TLR5: variants seen among roughly 807,000 people sequenced by gnomAD.
TLR5 encodes toll like receptor 5, also known as toll-like receptor 5.
For synonymous variants in TLR5, 373 were observed against 384.4 expected, an observed-to-expected ratio of 0.97 and a Z score of 0.35; for missense variants, 944 against 999.8, an observed-to-expected ratio of 0.94 and a Z score of 0.75.
Position 223,111,001 on chromosome 1 carries a change from C to A in TLR5, c.2031G>T (p.Leu677=), listed in dbSNP as rs770385259. ...TGCCCTGGGGATGGTCCTTGAACAC[C>A]AGTCTCTGGGCTGTCTTATAACAGA... is the stretch of plus-strand genomic sequence containing the variant. ...CFICYKTAQR[L]VFKDHPQGTE... The change falls in exon 6 of 6, where the codon CTG becomes CTT. Residue 677 remains leucine, a synonymous_variant. Transcript: ENST00000642603. The A allele has an allele frequency of 6.2e-7, 1 of 1,614,216 alleles. No homozygotes were observed. The highest frequency in any genetic ancestry group is 2.2e-5 in the East Asian group (1 of 44,880).
intron 5 of TLR5, among the ~76,000 whole-genome samples, chr1:223,119,132 GAGAA>G (rs1322921762): frequency 6.6e-6 from 1 of 151,626 alleles, no homozygotes; most frequent in African/African-American, 2.4e-5. Flanking sequence ...TGAAAAAGAA[GAGAA>G]AGAAAGTCCA....
rs776169434 is a variant in TLR5, at chr1:223,111,761, G to C, written c.1271C>G (p.Thr424Arg). ...KLVTLPKINL[T>R]ANLIHLSENR... ...TTCTGATAAGTGGATGAGGTTCGCT[G>C]TAAGGTTGATCTTTGGCAAAGTCAC... Residue 424 changes from threonine (T) to arginine (R), a missense_variant, in exon 6 of 6, where the codon ACA (threonine) becomes AGA (arginine). Coordinates refer to ENST00000642603, the MANE Select transcript of TLR5 (RefSeq NM_003268.6). 1 of 1,614,162 alleles carries C rather than the reference G, an allele frequency of 6.2e-7. No homozygotes were observed. The highest frequency in any genetic ancestry group is 8.5e-7 in the Non-Finnish European group (1 of 1,180,030).
chr1:223,119,992 T>TAAAATAAAATAAAATAAAAAAATAAAA (rs1571742469), intron 5 of TLR5, among the ~76,000 whole-genome samples: 2 of 54,248 alleles, frequency 3.7e-5, no homozygotes, highest in African/African-American at 2.3e-4. Context: ...TAAAATAAAA[T>TAAAATAAAATAAAATAAAAAAATAAAA]AAAATAAAAT....
At chr1:223,119,728 G>A (rs1656850516) in intron 5 of TLR5, among the ~76,000 whole-genome samples, 1 of 151,802 alleles carries the variant, frequency 6.6e-6, no homozygotes, top group Non-Finnish European at 1.5e-5. Flanking sequence ...GGGAGGCCAA[G>A]GTGGGCAGAT....
intron 5 of TLR5, chr1:223,129,115 T>A (rs1657291504): frequency 6.6e-6 from 1 of 152,224 alleles, no homozygotes; most frequent in African/African-American, 2.4e-5. Context: ...TCCCCACCAT[T>A]CCAGGCACTC....
At chr1:223,117,710 C>T (rs947378390) in intron 5 of TLR5, among the ~76,000 whole-genome samples, 3 of 152,106 alleles carry the variant, frequency 2.0e-5, no homozygotes, top group Admixed American at 6.5e-5. Context: ...ACTCTAAAAG[C>T]CGTGGCTCTT....
intron 5 of TLR5, among the ~76,000 whole-genome samples, chr1:223,118,325 T>C (rs1656779287): frequency 6.6e-6 from 1 of 152,010 alleles, no homozygotes; most frequent in Admixed American, 6.6e-5. Flanking sequence ...GGCAGGTGGA[T>C]CACTTGAGGT....
At position 223,112,247 on chromosome 1, in the gene TLR5, T is replaced by G; in HGVS notation, c.785A>C (p.His262Pro). The G allele has an allele frequency of 5.6e-6, 9 of 1,614,186 alleles. No individual in the cohort carries two copies. Among genetic ancestry groups the G allele is most frequent in the Middle Eastern group, 1.6e-4 (1 of 6,062 alleles). Reference sequence around the variant, plus strand: ...GCCAAACCCGGCACCCATGATGTGGTGGGCAAGAATCAAAGAGAAGGCCTG... The same window carrying G: ...GCCAAACCCGGCACCCATGATGTGGGGGGCAAGAATCAAAGAGAAGGCCTG... ...KSQAFSLILA[H>P]HIMGAGFGFH... Residue 262 changes from histidine to proline, a missense_variant, in exon 6 of 6, where the codon CAC becomes CCC. Coordinates refer to ENST00000642603, the MANE Select transcript of TLR5 (RefSeq NM_003268.6).
intron 5 of TLR5, among the ~76,000 whole-genome samples, chr1:223,132,222 G>A (rs1046152128): frequency 2.0e-5 from 3 of 152,070 alleles, no homozygotes; most frequent in Admixed American, 6.6e-5. Flanking sequence ...AATTAGCCAG[G>A]CATGCTGGTG....
In TLR5 at chr1:223,110,714, C is replaced by T. The variant is rs142543605; in HGVS notation, c.2318G>A (p.Ser773Asn). The T allele has an allele frequency of 2.5e-5, 40 of 1,614,190 alleles. No individual in the cohort carries two copies. Among genetic ancestry groups the T allele is most frequent in the Admixed American group, 3.3e-5 (2 of 60,026 alleles). Residue 773 changes from serine to asparagine, a missense_variant, in exon 6 of 6, where the codon AGT becomes AAT. Transcript: ENST00000642603. The stretch of plus-strand genomic sequence containing the variant: ...AGATAAGCACCTGCCCTGGGCATAA[C>T]TGAAGGCTTCAAGGCACCAGCCATC... ...LRDGWCLEAF[S>N]YAQGRCLSDL...
rs540002612 is a variant in TLR5 at position 223,111,335 on chromosome 1, T to C, written c.1697A>G (p.Asp566Gly). The change falls in exon 6 of 6, where the codon GAT (aspartate) becomes GGT (glycine). Residue 566 changes from aspartate (D) to glycine (G), a missense_variant. Transcript: ENST00000642603. ...CAAGACACTAAGTGATACAAATACA[T>C]CAGGATTAGGAGCTAGGAGCTGGTT... ...SRNQLLAPNP[D>G]VFVSLSVLDI... 6 of 1,614,122 alleles carry C rather than the reference T, an allele frequency of 3.7e-6. No individual in the cohort carries two copies. In the African/African-American group the frequency reaches 6.7e-5, roughly 18 times the overall value.
chr1:223,113,117 C>G, intron 5 of TLR5, 82 bp from the exon 6 acceptor site: 1 of 1,358,656 alleles, frequency 7.4e-7, no homozygotes, highest in Non-Finnish European at 1.0e-6. Context: ...TGGGGGTATT[C>G]TCTATGATGT....
intron 5 of TLR5, among the ~76,000 whole-genome samples, chr1:223,120,451 T>C (rs1165918451): frequency 2.6e-5 from 4 of 152,186 alleles, no homozygotes; most frequent in Non-Finnish European, 1.5e-5. Flanking sequence ...ATACCCCACA[T>C]AGACTGACTG....
intron 2 of TLR5, among the ~76,000 whole-genome samples, chr1:223,140,549 A>G (rs1260684630): frequency 6.6e-6 from 1 of 151,210 alleles, no homozygotes; most frequent in Non-Finnish European, 1.5e-5. Flanking sequence ...TCTGTCTCAA[A>G]AAAAAAAAAA....
chr1:223,121,900 T>A (rs1260006341), intron 5 of TLR5, among the ~76,000 whole-genome samples: 2 of 152,240 alleles, frequency 1.3e-5, no homozygotes, highest in African/African-American at 2.4e-5. Flanking sequence ...TGGCTTCAAA[T>A]GGGCCTCAGA....
In TLR5 at chr1:223,112,700, T is replaced by G. The variant is rs1451051269; in HGVS notation, c.332A>C (p.His111Pro). Residue 111 changes from histidine (H) to proline (P), a missense_variant, in exon 6 of 6, where the codon CAT becomes CCT. Coordinates refer to ENST00000642603, the MANE Select transcript of TLR5 (RefSeq NM_003268.6). Reference sequence around the variant, plus strand: ...GAACAGTCCCTGAAAAGCATCTGGATGCAAGAAGTATATCTTACTACTTCC... The same window carrying G: ...GAACAGTCCCTGAAAAGCATCTGGAGGCAAGAAGTATATCTTACTACTTCC... ...DLGSSKIYFL[H>P]PDAFQGLFHL... 5.6e-6 allele frequency: 9 copies of G among 1,614,132 alleles called. 1 individual carries two copies. Among genetic ancestry groups the G allele is most frequent in the Non-Finnish European group, 5.9e-6 (7 of 1,180,044 alleles).
At chr1:223,116,917 C>A (rs1486820761) in intron 5 of TLR5, among the ~76,000 whole-genome samples, 1 of 152,222 alleles carries the variant, frequency 6.6e-6, no homozygotes, top group Admixed American at 6.5e-5. Context: ...GATCCCGCGT[C>A]AGGGCTAGGG....
At chr1:223,137,949 A>ACTTTT (rs1558134511) in intron 2 of TLR5, among the ~76,000 whole-genome samples, 1 of 69,168 alleles carries the variant, frequency 1.4e-5, no homozygotes, top group South Asian at 4.6e-4. Context: ...TGGCTTTTTA[A>ACTTTT]ATTTTTTTTT....
chr1:223,124,565 C>T (rs1243411569), intron 5 of TLR5, among the ~76,000 whole-genome samples: 3 of 152,196 alleles, frequency 2.0e-5, no homozygotes, highest in Non-Finnish European at 2.9e-5. Flanking sequence ...AAATGACCTG[C>T]AGTTTGCTTG....
Sources: gnomAD v4.1 joint callset for allele counts (sites outside exome capture counted in the v4.1 genomes callset) on GRCh38, gnomAD v4.1.1 for gene constraint, MANE v1.5 for transcripts, NCBI Gene and HGNC (gene_info 2026-07-23, HGNC 2026-07-21) for gene names.